The following GRM7 variants were observed in gnomAD, a reference collection of about 807,000 sequenced individuals.
GRM7 encodes the protein metabotropic glutamate receptor 7.
GRM7 carries 35 observed loss-of-function variants against 84.5 expected under a neutral mutation model. The ratio of observed to expected loss-of-function variants is 0.41; its 90% CI spans 0.32 to 0.55. The LOEUF (loss-of-function observed/expected upper bound fraction) is 0.55. Ranked by LOEUF, GRM7 falls within the 20% of genes least tolerant of loss-of-function variation. The probability of loss-of-function intolerance (pLI) is 0.19; values close to 1 mark genes in which losing one functional copy is unlikely to be tolerated. For missense variants in GRM7, 1,003 were observed against 1,194.6 expected (o/e 0.84, Z 2.36); for synonymous variants, 487 against 455.1 (o/e 1.07, Z -0.89).
intron 1 of GRM7, among the ~76,000 whole-genome samples, chr3:6,935,217 A>G (rs895481560): frequency 6.6e-6 from 1 of 152,188 alleles, no homozygotes; most frequent in Non-Finnish European, 1.5e-5. Flanking sequence ...ACTTGATTCC[A>G]CAAAATCAGT....
At chr3:7,577,378 A>G (rs1056526614) in intron 7 of GRM7, among the ~76,000 whole-genome samples, 1 of 152,172 alleles carries the variant, frequency 6.6e-6, no homozygotes, top group Non-Finnish European at 1.5e-5. Context: ...AACCACTACA[A>G]TATACTAATT....
chr3:7,304,737 T>C (rs1300799491), intron 3 of GRM7, among the ~76,000 whole-genome samples: 3 of 152,150 alleles, frequency 2.0e-5, no homozygotes, highest in Admixed American at 1.3e-4. Flanking sequence ...AAAAGAGCTG[T>C]TTCTTGTTAT....
chr3:7,435,605 C>T (rs12485398), intron 5 of GRM7, among the ~76,000 whole-genome samples: 49,711 of 151,386 alleles, frequency 0.33, 9,474 homozygotes, highest in Non-Finnish European at 0.44. Flanking sequence ...CTCAGCCTCC[C>T]GGCTCCAAGA....
At chr3:7,207,860 T>G (rs1325590073) in intron 2 of GRM7, among the ~76,000 whole-genome samples, 1 of 152,210 alleles carries the variant, frequency 6.6e-6, no homozygotes, top group African/African-American at 2.4e-5. Context: ...AAAATGAAAA[T>G]GGCACATTTT....
intron 8 of GRM7, among the ~76,000 whole-genome samples, chr3:7,590,372 T>A (rs914878519): frequency 6.6e-6 from 1 of 152,176 alleles, no homozygotes; most frequent in African/African-American, 2.4e-5. Context: ...ATAAATAAGG[T>A]TAATTGGAAC....
intron 2 of GRM7, among the ~76,000 whole-genome samples, chr3:7,274,445 G>A (rs1698978854): frequency 6.6e-6 from 1 of 151,902 alleles, no homozygotes; most frequent in Admixed American, 6.6e-5. Flanking sequence ...CAGGCCTACT[G>A]GAAATAAATT....
intron 9 of GRM7, chr3:7,686,538 CT>C: frequency 1.6e-6 from 1 of 642,866 alleles, no homozygotes; most frequent in Non-Finnish European, 2.9e-6. Context: ...GCATGATTAC[CT>C]GAAAATATAT....
intron 1 of GRM7, among the ~76,000 whole-genome samples, chr3:6,893,411 T>C (rs1250083435): frequency 6.6e-6 from 1 of 152,216 alleles, no homozygotes; most frequent in East Asian, 1.9e-4. Flanking sequence ...GTTCTATTGG[T>C]AACTGTTGAG....
At chr3:7,098,495 T>G (rs909139808) in intron 1 of GRM7, among the ~76,000 whole-genome samples, 4 of 151,996 alleles carry the variant, frequency 2.6e-5, no homozygotes, top group Non-Finnish European at 5.9e-5. Flanking sequence ...TAGAATCAGA[T>G]ATGAGATTTT....
chr3:7,265,436 A>C (rs2124967244), intron 2 of GRM7, among the ~76,000 whole-genome samples: 1 of 152,350 alleles, frequency 6.6e-6, no homozygotes, highest in Admixed American at 6.5e-5. Flanking sequence ...AGTGGCAGTG[A>C]CAAATGTTAA....
chr3:7,220,493 G>A (rs1190387507), intron 2 of GRM7, among the ~76,000 whole-genome samples: 2 of 152,098 alleles, frequency 1.3e-5, no homozygotes, highest in Non-Finnish European at 2.9e-5. Flanking sequence ...CAAAGGCATA[G>A]AAAACAAGGA....
chr3:7,556,553 T>A (rs74555192), intron 7 of GRM7, among the ~76,000 whole-genome samples: 14,760 of 152,148 alleles, frequency 0.097, 820 homozygotes, highest in South Asian at 0.12. Context: ...TTTATTTGAC[T>A]GATACTTATT....
intron 9 of GRM7, among the ~76,000 whole-genome samples, chr3:7,726,613 CTATATATATATATATATA>C (rs56250356): frequency 0.1 from 5,933 of 58,148 alleles, 409 homozygotes; most frequent in African/African-American, 0.21. Context: ...CTCTCTCCCT[CTATATATATATATATATA>C]TATATATATA....
chr3:7,268,005 G>C (rs1166073876), intron 2 of GRM7, among the ~76,000 whole-genome samples: 1 of 152,018 alleles, frequency 6.6e-6, no homozygotes, highest in African/African-American at 2.4e-5. Flanking sequence ...CTCTGCACTG[G>C]TCACAGTAGA....
chr3:7,472,691 C>T (rs1698752179), intron 7 of GRM7, among the ~76,000 whole-genome samples: 1 of 152,190 alleles, frequency 6.6e-6, no homozygotes, highest in Non-Finnish European at 1.5e-5. Flanking sequence ...TCACCACTTC[C>T]AGAAATCTGG....
intron 1 of GRM7, among the ~76,000 whole-genome samples, chr3:7,124,348 A>G (rs1693326585): frequency 6.6e-6 from 1 of 152,186 alleles, no homozygotes; most frequent in Admixed American, 6.5e-5. Flanking sequence ...GCTACTAAAA[A>G]TACAAAAATT....
chr3:7,212,254 A>T, intron 2 of GRM7, among the ~76,000 whole-genome samples: 2 of 143,436 alleles, frequency 1.4e-5, no homozygotes, highest in African/African-American at 5.2e-5. Flanking sequence ...CTAGTATTTC[A>T]TTTCTGCCTA....
At chr3:7,534,012 CTTTTT>C (rs3034006) in intron 7 of GRM7, among the ~76,000 whole-genome samples, 1 of 111,616 alleles carries the variant, frequency 9.0e-6, no homozygotes. Flanking sequence ...GGGCTGAATA[CTTTTT>C]TTTTTTTTTT....
intron 7 of GRM7, among the ~76,000 whole-genome samples, chr3:7,466,015 A>G (rs1330540566): frequency 6.6e-6 from 1 of 152,204 alleles, no homozygotes; most frequent in Non-Finnish European, 1.5e-5. Context: ...GTGGAAGGGA[A>G]TCATAACCAA....
Sources: allele counts gnomAD v4.1 joint callset (sites outside exome capture counted in the v4.1 genomes callset), GRCh38; gene constraint gnomAD v4.1.1; transcripts MANE v1.5; gene names NCBI Gene and HGNC (gene_info 2026-07-23, HGNC 2026-07-21).